The following PLEKHS1 variants were observed in gnomAD, a reference collection of about 807,000 sequenced individuals.
PLEKHS1 encodes pleckstrin homology domain containing S1.
Under a neutral mutation model 51.0 loss-of-function variants are expected in PLEKHS1, and 55 were observed. That is an observed-to-expected ratio of 1.08 (90% CI 0.87 to 1.35). PLEKHS1 has a LOEUF of 1.35. Among genes scored for constraint, PLEKHS1 ranks in the 40% most tolerant of loss-of-function variants. The pLI is 0.00. For missense variants in PLEKHS1, 398 were observed against 423.0 expected, an observed-to-expected ratio of 0.94 and a Z score of 0.52; for synonymous variants, 153 against 144.8, an observed-to-expected ratio of 1.06 and a Z score of -0.41.
intron 1 of PLEKHS1, among the ~76,000 whole-genome samples, chr10:113,752,205 T>C (rs1423224154): frequency 6.6e-6 from 1 of 152,198 alleles, no homozygotes; most frequent in East Asian, 1.9e-4. Flanking sequence ...AATTACATGA[T>C]CAAAGTAAAG....
At chr10:113,777,388 A>C in intron 11 of PLEKHS1, 129 bp downstream of exon 12, 1 of 1,610,370 alleles carries the variant, frequency 6.2e-7, no homozygotes. Flanking sequence ...CATCAAGTGC[A>C]AATAACAGAA....
chr10:113,771,944 A>G (rs1844429903), intron 7 of PLEKHS1, 26 bp from the exon 8 acceptor site: 1 of 1,590,984 alleles, frequency 6.3e-7, no homozygotes, highest in African/African-American at 1.4e-5. Flanking sequence ...AAGAAAAAGC[A>G]AAGCATTTTT....
Position 113,769,560 on chromosome 10 carries a change from C to T in PLEKHS1, c.436-224C>T, listed in dbSNP as rs138644206. On this transcript the variant is annotated intron_variant, in intron 6 of 11. Coordinates refer to ENST00000361048, the Ensembl canonical transcript of PLEKHS1. ...AGTTGAGGAGACAAGTTGAGGGAAACGCTGGTCATCTCTGAGGGTCAGGCT... is the reference window on the plus strand; with the variant it reads ...AGTTGAGGAGACAAGTTGAGGGAAATGCTGGTCATCTCTGAGGGTCAGGCT... 1.6e-3 allele frequency among the ~76,000 whole-genome samples: 241 copies of T among 152,156 alleles called. 1 individual carries two copies. Among genetic ancestry groups the T allele is most frequent in the African/African-American group, 5.6e-3 (231 of 41,524 alleles).
intron 5 of PLEKHS1, 62 bp from the exon 6 acceptor site, chr10:113,768,750 CCTT>C: frequency 7.8e-7 from 1 of 1,289,880 alleles, no homozygotes; most frequent in South Asian, 1.3e-5. Flanking sequence ...ATAAAAGAAT[CCTT>C]CTCTGGTTCA....
downstream of PLEKHS1, chr10:113,783,028 G>A (rs10885504): frequency 0.36 from 54,115 of 151,956 alleles, 9,931 homozygotes; most frequent in South Asian, 0.49. Context: ...CTGAGGTCTG[G>A]AGCTCGAGAA....
chr10:113,764,243 G>A (rs1844066696), intron 2 of PLEKHS1, among the ~76,000 whole-genome samples: 1 of 152,066 alleles, frequency 6.6e-6, no homozygotes, highest in Non-Finnish European at 1.5e-5. Context: ...TGGGACTACA[G>A]GCTTGCACCA....
intron 11 of PLEKHS1, among the ~76,000 whole-genome samples, chr10:113,779,232 C>G (rs1332738316): frequency 6.6e-6 from 1 of 152,084 alleles, no homozygotes; most frequent in East Asian, 1.9e-4. Flanking sequence ...GATTTCAGGG[C>G]CCTAGTCCAA....
intron 5 of PLEKHS1, 86 bp from the exon 6 acceptor site, chr10:113,768,729 T>C: frequency 8.9e-7 from 1 of 1,124,426 alleles, no homozygotes; most frequent in African/African-American, 1.6e-5. Flanking sequence ...CTCACCACCA[T>C]TCTAACATTC....
intron 2 of PLEKHS1, among the ~76,000 whole-genome samples, chr10:113,756,376 G>A (rs1306803699): frequency 5.3e-5 from 8 of 152,110 alleles, no homozygotes; most frequent in Admixed American, 1.3e-4. Flanking sequence ...CAGGAGAACC[G>A]CTTGAACCTG....
intron 7 of PLEKHS1, among the ~76,000 whole-genome samples, chr10:113,770,231 G>T (rs995384707): frequency 1.3e-5 from 2 of 152,182 alleles, no homozygotes; most frequent in African/African-American, 4.8e-5. Context: ...TCTGCCAAAA[G>T]ATTTCCCAGA....
chr10:113,765,367 T>C, intron 2 of PLEKHS1: 2 of 779,516 alleles, frequency 2.6e-6, no homozygotes, highest in Non-Finnish European at 4.8e-6. Context: ...CTGTAAATTA[T>C]AAGTTTTTCC....
intron 11 of PLEKHS1, among the ~76,000 whole-genome samples, chr10:113,779,578 A>G (rs1844807947): frequency 6.6e-6 from 1 of 152,006 alleles, no homozygotes; most frequent in African/African-American, 2.4e-5. Flanking sequence ...TCAAAAAAAA[A>G]AAAAAAGGAT....
intron 2 of PLEKHS1, among the ~76,000 whole-genome samples, chr10:113,763,710 G>A (rs372108975): frequency 5.3e-5 from 8 of 152,212 alleles, no homozygotes; most frequent in African/African-American, 9.6e-5. Flanking sequence ...TTACAAAAGC[G>A]TATTTCCATT....
exon 1 of PLEKHS1, chr10:113,751,737 T>G (rs1384649201): frequency 6.6e-6 from 1 of 152,242 alleles, no homozygotes; most frequent in East Asian, 1.9e-4. Flanking sequence ...TCCTGAGCAC[T>G]GGACCAGCGA....
At chr10:113,754,822 C>A (rs11196476) in intron 1 of PLEKHS1, among the ~76,000 whole-genome samples, 19,235 of 152,190 alleles carry the variant, frequency 0.13, 1,553 homozygotes, top group Non-Finnish European at 0.18. Flanking sequence ...AAGCAAGCCC[C>A]TGGGCATGGA....
At chr10:113,770,186 T>G (rs924844137) in intron 7 of PLEKHS1, among the ~76,000 whole-genome samples, 3 of 152,172 alleles carry the variant, frequency 2.0e-5, no homozygotes, top group Admixed American at 1.3e-4. Flanking sequence ...GCTGGCAACT[T>G]GCTTCCTTTC....
intron 8 of PLEKHS1, among the ~76,000 whole-genome samples, chr10:113,772,504 G>A (rs959554243): frequency 7.2e-5 from 11 of 152,212 alleles, no homozygotes; most frequent in African/African-American, 1.4e-4. Flanking sequence ...GCTGTGTATC[G>A]ATCAGTCTAT....
At chr10:113,769,693 G>T in intron 6 of PLEKHS1, 91 bp from the exon 7 acceptor site, 1 of 796,738 alleles carries the variant, frequency 1.3e-6, no homozygotes, top group South Asian at 1.4e-5. Flanking sequence ...TATGGGAAAA[G>T]ACAGGAGGCA....
chr10:113,759,765 A>C (rs925402094), intron 2 of PLEKHS1, among the ~76,000 whole-genome samples: 2 of 152,168 alleles, frequency 1.3e-5, no homozygotes, highest in Non-Finnish European at 2.9e-5. Context: ...TTGTAAAATC[A>C]TATATTTCTT....
Sources: allele counts gnomAD v4.1 joint callset (sites outside exome capture counted in the v4.1 genomes callset), GRCh38; gene constraint gnomAD v4.1.1; transcripts MANE v1.5; gene names NCBI Gene and HGNC (gene_info 2026-07-23, HGNC 2026-07-21).